Variants in RELN observed in about 807,000 individuals in gnomAD.
RELN encodes the protein reelin.
RELN carries 108 observed loss-of-function variants against 427.6 expected under a neutral mutation model. The ratio of observed to expected loss-of-function variants is 0.25; its 90% CI spans 0.22 to 0.30. The LOEUF is 0.30. RELN is among the 10% of genes least tolerant of loss of function. The pLI is 1.00. For missense variants in RELN, 3,715 were observed against 4,302.8 expected, an observed-to-expected ratio of 0.86 and a Z score of 3.82; for synonymous variants, 1,524 against 1,513.4, an observed-to-expected ratio of 1.01 and a Z score of -0.16.
rs1246695903 is a variant in RELN at position 103,603,153 on chromosome 7, C to T, written c.3333+151G>A. 8.3e-6 allele frequency: 6 copies of T among 726,796 alleles called. No homozygotes were observed. The highest frequency in any genetic ancestry group is 1.7e-5 in the African/African-American group (1 of 57,630). The allele number at this position is 726,796 out of a possible 1,614,324, so 45.0% of individuals were successfully genotyped here. A position where few individuals can be genotyped will look rare whatever the true frequency, so the allele number is the denominator to read the frequency against. On this transcript the variant is annotated intron_variant, in intron 24 of 64. Transcript: ENST00000428762. The surrounding 1 kb of genome is among the most constrained non-coding windows in gnomAD (Gnocchi z 4.3). ...AAAGAACAACAAGAATTTCCCAAGA[C>T]ATAGCTAAGGAATAGGAATTTGATA...
intron 2 of RELN, among the ~76,000 whole-genome samples, chr7:103,888,279 CAAGT>C (rs1339971927): frequency 2.6e-5 from 4 of 151,126 alleles, no homozygotes; most frequent in South Asian, 4.2e-4. Flanking sequence ...AACCTGAAAT[CAAGT>C]AAGTATTTAT....
At chr7:103,932,378 T>G (rs10953397) in intron 1 of RELN, among the ~76,000 whole-genome samples, 38,843 of 152,038 alleles carry the variant, frequency 0.26, 5,892 homozygotes, top group Non-Finnish European at 0.34. Flanking sequence ...AGACACTGGG[T>G]TCTACTTGAG....
intron 2 of RELN, among the ~76,000 whole-genome samples, chr7:103,909,815 T>C (rs1795320855): frequency 2.4e-5 from 1 of 41,414 alleles, no homozygotes; most frequent in Non-Finnish European, 3.8e-5. Context: ...TATATAATAT[T>C]ATATATAAAA....
chr7:103,749,410 T>C lies in RELN; in HGVS notation c.656+16A>G. The C allele has an allele frequency of 6.3e-7, 1 of 1,599,446 alleles. No homozygotes were observed. Among genetic ancestry groups the C allele is most frequent in the Non-Finnish European group, 8.6e-7 (1 of 1,166,702 alleles). On this transcript the variant is annotated intron_variant, in intron 6 of 64. Transcript: ENST00000428762. ...ACATTAAGCAAACCAAAGTGAGGAA[T>C]GTTCCTGTAACTTACCATATATTTG...
intron 52 of RELN, among the ~76,000 whole-genome samples, chr7:103,502,038 T>C (rs900912350): frequency 1.3e-5 from 2 of 152,204 alleles, no homozygotes; most frequent in Non-Finnish European, 2.9e-5. Context: ...AGATATTCTC[T>C]TAAGAGGATA....
intron 51 of RELN, 46 bp downstream of exon 51, chr7:103,510,805 T>A: frequency 1.4e-6 from 2 of 1,461,362 alleles, no homozygotes; most frequent in Non-Finnish European, 1.9e-6. Flanking sequence ...TTTTGTTATA[T>A]TGCTAATGTA....
chr7:103,743,076 C>T (rs958817561), intron 6 of RELN, among the ~76,000 whole-genome samples: 29 of 148,848 alleles, frequency 1.9e-4, no homozygotes, highest in Admixed American at 9.3e-4. Flanking sequence ...AGCAGAAACT[C>T]TCCAAGCCAG....
At chr7:103,790,585 A>G (rs982209913) in intron 3 of RELN, among the ~76,000 whole-genome samples, 1 of 151,984 alleles carries the variant, frequency 6.6e-6, no homozygotes, top group Non-Finnish European at 1.5e-5. Flanking sequence ...CCTAACTCCC[A>G]ATGTGATAGA....
At chr7:103,654,421 A>T (rs1319332412) in intron 12 of RELN, among the ~76,000 whole-genome samples, 1 of 152,134 alleles carries the variant, frequency 6.6e-6, no homozygotes, top group Non-Finnish European at 1.5e-5. Context: ...GTGAAGGCCA[A>T]AGTAGCTATT....
At chr7:103,889,617 C>T (rs1272285479) in intron 2 of RELN, among the ~76,000 whole-genome samples, 2 of 152,092 alleles carry the variant, frequency 1.3e-5, no homozygotes, top group African/African-American at 4.8e-5. Flanking sequence ...TACATCTTCT[C>T]CAGCATTATC....
At chr7:103,568,433 G>A (rs1199265915) in intron 31 of RELN, among the ~76,000 whole-genome samples, 1 of 152,184 alleles carries the variant, frequency 6.6e-6, no homozygotes, top group Non-Finnish European at 1.5e-5. Flanking sequence ...TCAAATAACA[G>A]AACTCTTTGG....
At chr7:103,739,395 G>A (rs1230526452) in intron 6 of RELN, among the ~76,000 whole-genome samples, 1 of 152,140 alleles carries the variant, frequency 6.6e-6, no homozygotes, top group Non-Finnish European at 1.5e-5. Flanking sequence ...GGGAGGTTTT[G>A]GAGGGTTGTT....
intron 14 of RELN, 149 bp downstream of exon 14, chr7:103,652,402 C>A (rs1304618570): frequency 3.0e-6 from 2 of 670,668 alleles, no homozygotes; most frequent in Non-Finnish European, 5.2e-6. Context: ...AATTGAAGAA[C>A]TTTTCATTTG....
At chr7:103,947,902 C>T (rs1796252083) in intron 1 of RELN, among the ~76,000 whole-genome samples, 1 of 152,144 alleles carries the variant, frequency 6.6e-6, no homozygotes, top group South Asian at 2.1e-4. Flanking sequence ...AACTTTTTCA[C>T]ATTGATATGG....
intron 62 of RELN, 32 bp from the exon 63 acceptor site, chr7:103,483,003 T>C: frequency 2.5e-6 from 4 of 1,583,170 alleles, no homozygotes; most frequent in Non-Finnish European, 3.5e-6. Context: ...AAAGAAGTTA[T>C]ACATTAGGAA....
intron 1 of RELN, among the ~76,000 whole-genome samples, chr7:103,942,134 C>T (rs1263767777): frequency 1.3e-5 from 2 of 152,154 alleles, no homozygotes; most frequent in African/African-American, 2.4e-5. Flanking sequence ...AATCACCTCG[C>T]ATACTTATAA....
In RELN at chr7:103,611,702, C is replaced by T; in HGVS notation, c.2804G>A (p.Gly935Glu). The change falls in exon 21 of 65, where the codon GGA becomes GAA. Residue 935 changes from glycine (G) to glutamate (E), a missense_variant. Coordinates refer to ENST00000428762, the MANE Select transcript of RELN (RefSeq NM_005045.4). ...SYMIQFSLVMGCGQKYTPHMD... is the reference protein window; with the variant it reads ...SYMIQFSLVMECGQKYTPHMD... ...GTGTGGGGTGTATTTCTGGCCACAT[C>T]CCATCACCAAACTGAACTGAATCAT... 1 of 1,613,834 alleles carries T rather than the reference C, an allele frequency of 6.2e-7. No individual in the cohort carries two copies. Among genetic ancestry groups the T allele is most frequent in the Non-Finnish European group, 8.5e-7 (1 of 1,179,912 alleles).
intron 2 of RELN, 144 bp from the exon 3 acceptor site, chr7:103,833,816 T>C: frequency 1.3e-6 from 1 of 767,488 alleles, no homozygotes; most frequent in Non-Finnish European, 2.2e-6. Context: ...AATTTTTCAC[T>C]TTTTATTGCT....
At chr7:103,575,850 C>T (rs1830987665) in intron 28 of RELN, 145 bp from the exon 29 acceptor site, 9 of 900,524 alleles carry the variant, frequency 1.0e-5, no homozygotes, top group African/African-American at 1.6e-5. Flanking sequence ...CCTTCATAAG[C>T]TGTCTCTCAG....
Sources: allele counts gnomAD v4.1 joint callset (sites outside exome capture counted in the v4.1 genomes callset), GRCh38; gene constraint gnomAD v4.1.1; non-coding constraint Gnocchi (gnomAD v3.1); transcripts MANE v1.5; gene names NCBI Gene and HGNC (gene_info 2026-07-23, HGNC 2026-07-21).